Variants in CCDC171 observed in about 807,000 individuals in gnomAD.
CCDC171 encodes the protein coiled-coil domain-containing protein 171.
A neutral mutation model predicts 168.2 loss-of-function variants in CCDC171; 177 were observed. The observed-to-expected ratio is 1.05, with a 90% CI of 0.93 to 1.19. The LOEUF (loss-of-function observed/expected upper bound fraction) is 1.19, where lower values mean the gene tolerates loss of function less well. Ranked by LOEUF, CCDC171 falls within the 50% of genes most tolerant of loss-of-function variation. CCDC171 has a pLI of 0.00. For synonymous variants in CCDC171, 687 were observed against 540.8 expected (o/e 1.27, Z -3.75); for missense variants, 1,991 against 1,539.0 (o/e 1.29, Z -4.91).
At chr9:15,638,327 T>G (rs190345301) in intron 7 of CCDC171, among the ~76,000 whole-genome samples, 1 of 152,162 alleles carries the variant, frequency 6.6e-6, no homozygotes, top group Non-Finnish European at 1.5e-5. Context: ...TTTGACCACA[T>G]AGTGACATAA....
intron 25 of CCDC171, among the ~76,000 whole-genome samples, chr9:15,971,384 A>T (rs143664833): frequency 1.3e-5 from 2 of 152,310 alleles, no homozygotes; most frequent in East Asian, 3.9e-4. Context: ...GTTTAGACAA[A>T]TTCTTGTTGT....
intron 3 of CCDC171, among the ~76,000 whole-genome samples, chr9:15,987,416 T>C (rs1338912040): frequency 6.6e-6 from 1 of 151,000 alleles, no homozygotes; most frequent in East Asian, 1.9e-4. Context: ...CCCTTGAACC[T>C]AAAATAAAAG....
In CCDC171 at chr9:15,744,743, C is replaced by T. The variant is rs2055148966; in HGVS notation, c.2520C>T (p.Cys840=). Residue 840 remains cysteine, a synonymous_variant, in exon 17 of 26, where the codon TGC becomes TGT. Transcript: ENST00000380701. ...AAGAAGGCATAGGCATGTTAGTGTG[C>T]ACAGGAGAGCCCCAAGACAAGCATA... The part of the protein sequence containing the change: ...SFKEGIGMLV[C]TGEPQDKHKF... 2 of 1,613,538 alleles carry T rather than the reference C, an allele frequency of 1.2e-6. No homozygotes were observed. The highest frequency in any genetic ancestry group is 1.1e-5 in the South Asian group (1 of 91,000).
intron 23 of CCDC171, among the ~76,000 whole-genome samples, chr9:15,871,021 G>GT (rs928762544): frequency 8.6e-5 from 13 of 151,270 alleles, no homozygotes; most frequent in African/African-American, 3.1e-4. Context: ...TTCTTCTCCT[G>GT]TTTTTTATGA....
rs540310541 is a variant in CCDC171, at chr9:15,624,761, T to C, written c.822+1348T>C. The stretch of plus-strand genomic sequence containing the variant: ...AAGTCTTTGCTATTGTGAATAGTGC[T>C]GCAGTAAACATACGTGTGCATGTGT... On this transcript the variant is annotated intron_variant, in intron 7 of 25. Coordinates refer to ENST00000380701, the MANE Select transcript of CCDC171 (RefSeq NM_173550.4). Among the ~76,000 whole-genome samples, 222 of 152,270 alleles carry C rather than the reference T, an allele frequency of 1.5e-3. 1 individual carries two copies. The highest frequency in any genetic ancestry group is 4.5e-3 in the African/African-American group (188 of 41,572).
At chr9:15,566,672 C>G (rs926002863) in intron 2 of CCDC171, among the ~76,000 whole-genome samples, 3 of 152,164 alleles carry the variant, frequency 2.0e-5, no homozygotes, top group African/African-American at 7.2e-5. Flanking sequence ...AAGTTTTTAA[C>G]TTTGATGAAG....
chr9:15,998,829 A>G (rs1832447131), intron 3 of CCDC171, among the ~76,000 whole-genome samples: 1 of 152,212 alleles, frequency 6.6e-6, no homozygotes, highest in Non-Finnish European at 1.5e-5. Context: ...AAATTTGAAG[A>G]GAGGGACAGT....
chr9:16,086,186 G>A, the CCDC171 span, among the ~76,000 whole-genome samples: 1 of 152,258 alleles, frequency 6.6e-6, no homozygotes, highest in East Asian at 1.9e-4. Context: ...CTTGGGAAGG[G>A]TGTATGCATC....
intron 21 of CCDC171, among the ~76,000 whole-genome samples, chr9:15,812,266 C>A (rs552235441): frequency 6.6e-6 from 1 of 152,232 alleles, no homozygotes; most frequent in South Asian, 2.1e-4. Context: ...AAGGAAACCA[C>A]CATTAAGTTC....
the CCDC171 span, among the ~76,000 whole-genome samples, chr9:16,072,862 G>A: frequency 2.6e-5 from 4 of 152,116 alleles, no homozygotes; most frequent in East Asian, 1.9e-4. Context: ...CTTTCTTACC[G>A]CTTTCTCTGC....
At chr9:16,070,013 C>G in the CCDC171 span, among the ~76,000 whole-genome samples, 14 of 152,300 alleles carry the variant, frequency 9.2e-5, no homozygotes, top group South Asian at 2.7e-3. Context: ...GTCTGTCTGT[C>G]TGTCTGACTC....
intron 14 of CCDC171, 84 bp from the exon 15 acceptor site, chr9:15,727,785 T>G (rs1321922454): frequency 9.7e-7 from 1 of 1,028,236 alleles, no homozygotes; most frequent in African/African-American, 1.6e-5. Context: ...TTTTTTAAAT[T>G]AACTCTTCAC....
intron 6 of CCDC171, among the ~76,000 whole-genome samples, chr9:15,609,736 A>C (rs1458857893): frequency 6.6e-6 from 1 of 152,152 alleles, no homozygotes; most frequent in Admixed American, 6.5e-5. Context: ...ATACCTTTAG[A>C]ATAAGTCTTG....
At chr9:15,944,644 G>A (rs1343466852) in intron 25 of CCDC171, among the ~76,000 whole-genome samples, 2 of 151,928 alleles carry the variant, frequency 1.3e-5, no homozygotes, top group African/African-American at 2.4e-5. Flanking sequence ...CTAGGCATGC[G>A]GGTTTAAATG....
chr9:15,964,415 A>G (rs929616529), intron 25 of CCDC171, among the ~76,000 whole-genome samples: 6 of 147,886 alleles, frequency 4.1e-5, no homozygotes, highest in Admixed American at 6.9e-5. Flanking sequence ...TTGAGTGCAT[A>G]AAGTTATTTA....
At chr9:15,851,700 A>G (rs2130822699) in intron 23 of CCDC171, among the ~76,000 whole-genome samples, 1 of 152,030 alleles carries the variant, frequency 6.6e-6, no homozygotes, top group East Asian at 1.9e-4. Context: ...CATCACTGCA[A>G]AAGAAACCCA....
chr9:15,634,752 G>C (rs1052302406), intron 7 of CCDC171, among the ~76,000 whole-genome samples: 5 of 152,058 alleles, frequency 3.3e-5, no homozygotes, highest in African/African-American at 4.8e-5. Flanking sequence ...ATCCATTTTG[G>C]AACATTTTCA....
At chr9:15,560,982 G>A (rs1193848840) in intron 1 of CCDC171, among the ~76,000 whole-genome samples, 1 of 152,260 alleles carries the variant, frequency 6.6e-6, no homozygotes, top group East Asian at 1.9e-4. Context: ...GGAGTTTGCT[G>A]GAGGTGCACT....
intron 25 of CCDC171, among the ~76,000 whole-genome samples, chr9:15,958,336 T>C (rs1343182961): frequency 2.0e-5 from 3 of 152,186 alleles, no homozygotes; most frequent in Admixed American, 6.6e-5. Flanking sequence ...ATGTGGTTAG[T>C]GTGACTGAGG....
Sources: gnomAD v4.1 joint callset for allele counts (sites outside exome capture counted in the v4.1 genomes callset) on GRCh38, gnomAD v4.1.1 for gene constraint, MANE v1.5 for transcripts, NCBI Gene and HGNC (gene_info 2026-07-23, HGNC 2026-07-21) for gene names.